SLC25A19: variants seen among roughly 807,000 people sequenced by gnomAD.
SLC25A19 encodes solute carrier family 25 member 19, also known as mitochondrial thiamine pyrophosphate carrier.
SLC25A19 carries 18 observed loss-of-function variants against 27.9 expected under a neutral mutation model. The observed-to-expected ratio is 0.64, with a 90% CI of 0.45 to 0.96. SLC25A19 has a LOEUF of 0.96. Among genes scored for constraint, SLC25A19 ranks in the 40% least tolerant of loss-of-function variants. The pLI is 0.00. For synonymous variants in SLC25A19, 169 were observed against 167.1 expected (o/e 1.01, Z -0.09); for missense variants, 371 against 418.3 (o/e 0.89, Z 0.99).
intron 7 of SLC25A19, among the ~76,000 whole-genome samples, chr17:75,275,129 C>T (rs1217709337): frequency 1.3e-5 from 2 of 151,582 alleles, no homozygotes; most frequent in Admixed American, 1.3e-4. Flanking sequence ...GCTGGAACTA[C>T]AGGCACACAC....
intron 2 of SLC25A19, chr17:75,287,298 G>A (rs2078206368): frequency 6.3e-6 from 1 of 157,764 alleles, no homozygotes; most frequent in African/African-American, 2.7e-5. Context: ...GTAGAGATAA[G>A]GTCTCAATGT....
chr17:75,277,245 C>A, intron 7 of SLC25A19, 108 bp downstream of exon 7: 1 of 1,441,872 alleles, frequency 6.9e-7, no homozygotes. Flanking sequence ...GTGAAGGGGC[C>A]ATGGCCAGGG....
chr17:75,279,573 A>G (rs1194529545), intron 5 of SLC25A19, among the ~76,000 whole-genome samples: 1 of 148,348 alleles, frequency 6.7e-6, no homozygotes, highest in Non-Finnish European at 1.5e-5. Flanking sequence ...CCTAGGCACA[A>G]TCTTGGCTCA....
In SLC25A19 at chr17:75,280,963, A is replaced by C. The variant is rs540330182; in HGVS notation, c.459+2460T>G. Among the ~76,000 whole-genome samples the C allele has an allele frequency of 3.3e-5, 5 of 151,546 alleles. No homozygotes were observed. The South Asian group carries it at 8.4e-4, about 25-fold the overall frequency. On this transcript the variant is annotated intron_variant, in intron 5 of 7. Coordinates refer to ENST00000416858, the MANE Select transcript of SLC25A19 (RefSeq NM_001126121.2). The stretch of plus-strand genomic sequence containing the variant: ...CAAACAACAACCAAAAAAAAAAAAA[A>C]AAACCAGGAGTTCAAGACCAGCCTG...
Position 75,274,957 on chromosome 17 carries a change from T to A in SLC25A19, c.775-1318A>T, listed in dbSNP as rs74442195. ...ATGTGGTTATCTGTGGTAGTGAAAT[T>A]ACAAGGGATTTTGGTCTTTTTTTTT... On this transcript the variant is annotated intron_variant, in intron 7 of 7. Coordinates refer to ENST00000416858, the MANE Select transcript of SLC25A19 (RefSeq NM_001126121.2). 2.9e-3 allele frequency among the ~76,000 whole-genome samples: 428 copies of A among 145,390 alleles called. 4 individuals carry two copies. In the East Asian group the frequency reaches 0.031, roughly 10 times the overall value.
chr17:75,273,374 G>T lies in SLC25A19; in HGVS notation c.*77C>A. 1 of 1,506,852 alleles carries T rather than the reference G, an allele frequency of 6.6e-7. No homozygotes were observed. Among genetic ancestry groups the T allele is most frequent in the East Asian group, 2.4e-5 (1 of 41,496 alleles). 93.3% of individuals were successfully genotyped at this position (1,506,852 alleles called of 1,614,324 possible). On this transcript the variant is annotated 3_prime_UTR_variant, in exon 8 of 8. Coordinates refer to ENST00000416858, the MANE Select transcript of SLC25A19 (RefSeq NM_001126121.2). The stretch of plus-strand genomic sequence containing the variant: ...GCTGGCCTGCAGGGAAGGGCCAGAC[G>T]GCACCTCTCAGTGGAGACTGAATCT...
At chr17:75,282,036 G>A (rs1011239683) in intron 5 of SLC25A19, among the ~76,000 whole-genome samples, 4 of 152,142 alleles carry the variant, frequency 2.6e-5, no homozygotes, top group African/African-American at 9.7e-5. Context: ...TTGGGAGGCC[G>A]AGGCGGGCAG....
At position 75,273,365 on chromosome 17, in the gene SLC25A19, G is replaced by C; in HGVS notation, c.*86C>G. ...CTTGGGGCAGCTGGCCTGCAGGGAA[G>C]GGCCAGACGGCACCTCTCAGTGGAG... On this transcript the variant is annotated 3_prime_UTR_variant, in exon 8 of 8. Transcript: ENST00000416858. 1.4e-6 allele frequency: 2 copies of C among 1,465,272 alleles called. No individual in the cohort carries two copies. Among genetic ancestry groups the C allele is most frequent in the Non-Finnish European group, 1.9e-6 (2 of 1,077,562 alleles). The allele number at this position is 1,465,272 out of a possible 1,614,324, so 90.8% of individuals were successfully genotyped here.
intron 5 of SLC25A19, 25 bp from the exon 6 acceptor site, chr17:75,278,360 T>G (rs751690082): frequency 6.2e-7 from 1 of 1,613,686 alleles, no homozygotes; most frequent in Non-Finnish European, 8.5e-7. Context: ...GCACTTTGAA[T>G]GAGCTCAGTG....
chr17:75,273,081 T>C lies in SLC25A19; in HGVS notation c.*370A>G. 2.8e-6 allele frequency: 1 copy of C among 353,982 alleles called. No homozygotes were observed. Among genetic ancestry groups the C allele is most frequent in the South Asian group, 2.5e-5 (1 of 40,190 alleles). The allele number at this position is 353,982 out of a possible 1,614,324, so 21.9% of individuals were successfully genotyped here. Reference sequence around the variant, plus strand: ...TCCTGCAAAGGGCCTACCGCAGCCCTCTGCACTCAAGCAGCAGCCCCATCC... The same window carrying C: ...TCCTGCAAAGGGCCTACCGCAGCCCCCTGCACTCAAGCAGCAGCCCCATCC... On this transcript the variant is annotated 3_prime_UTR_variant, in exon 8 of 8. Transcript: ENST00000416858.
chr17:75,283,402 G>A, intron 5 of SLC25A19, 21 bp downstream of exon 5: 2 of 1,610,744 alleles, frequency 1.2e-6, no homozygotes, highest in South Asian at 2.2e-5. Flanking sequence ...GGCTTCCCCG[G>A]TCTGGCTCCT....
intron 5 of SLC25A19, among the ~76,000 whole-genome samples, chr17:75,281,553 C>T (rs563233650): frequency 3.3e-5 from 5 of 152,194 alleles, no homozygotes; most frequent in African/African-American, 4.8e-5. Flanking sequence ...AAAAATTAGC[C>T]GGACATGGCA....
rs1467290223 is a variant in SLC25A19, at chr17:75,274,786, GAAAGA to G, written c.775-1152_775-1148del. Among the ~76,000 whole-genome samples the G allele has an allele frequency of 5.9e-5, 9 of 151,910 alleles. No homozygotes were observed. The South Asian group carries it at 8.3e-4, about 14-fold the overall frequency. On this transcript the variant is annotated intron_variant, in intron 7 of 7. Coordinates refer to ENST00000416858, the MANE Select transcript of SLC25A19 (RefSeq NM_001126121.2). ...GCGATATCCCATTTAAAAAAAGAAA[GAAAGA>G]AAAGAAAACAAACTCTCCCTTCAGG...
chr17:75,273,723 G>T, intron 7 of SLC25A19, 84 bp from the exon 8 acceptor site: 2 of 1,289,972 alleles, frequency 1.6e-6, no homozygotes, highest in Non-Finnish European at 2.2e-6. Context: ...ATCTTAAGAA[G>T]TACTTGCTGG....
rs543517521 is a variant in SLC25A19 at position 75,275,970 on chromosome 17, C to CA, written c.774+1382dup. ...TGGGCAAAAGAGCGAGACTCCGTCT[C>CA]AAAAAATATATATATATATATGGCT... On this transcript the variant is annotated intron_variant, in intron 7 of 7. Transcript: ENST00000416858. 7.6e-3 allele frequency among the ~76,000 whole-genome samples: 1,120 copies of CA among 147,298 alleles called. 14 individuals carry two copies. The highest frequency in any genetic ancestry group is 0.023 in the South Asian group (108 of 4,624).
chr17:75,273,473 T>C lies in SLC25A19; in HGVS notation c.941A>G (p.Asn314Ser), dbSNP rs769553823. ...EFFCNVFHCMNRTASQR is the reference protein window; with the variant it reads ...EFFCNVFHCMSRTASQR ...CACTCAGCGCTGGCTGGCTGTCCTG[T>C]TCATGCAGTGGAAGACATTACAGAA... Residue 314 changes from asparagine (N) to serine (S), a missense_variant, in exon 8 of 8, where the codon AAC becomes AGC. Physicochemically the swap from Asn to Ser is conservative, Grantham distance 46. Coordinates refer to ENST00000416858, the MANE Select transcript of SLC25A19 (RefSeq NM_001126121.2). The C allele has an allele frequency of 1.2e-6, 2 of 1,614,098 alleles. No individual in the cohort carries two copies. Among genetic ancestry groups the C allele is most frequent in the Non-Finnish European group, 1.7e-6 (2 of 1,180,034 alleles).
chr17:75,286,666 G>A lies in SLC25A19; in HGVS notation c.99C>T (p.Ile33=). Reference sequence around the variant, plus strand: ...GGATCTTGATGACGTCGAAGGGACTGATCAGCGCCCGAGTAACAAGTCCAG... The same window carrying A: ...GGATCTTGATGACGTCGAAGGGACTAATCAGCGCCCGAGTAACAAGTCCAG... ...SVSGLVTRAL[I]SPFDVIKIRF... Residue 33 remains isoleucine, a synonymous_variant, in exon 3 of 8, where the codon ATC becomes ATT. Transcript: ENST00000416858. 1.2e-6 allele frequency: 2 copies of A among 1,614,164 alleles called. No homozygotes were observed. The highest frequency in any genetic ancestry group is 1.7e-6 in the Non-Finnish European group (2 of 1,180,038).
At chr17:75,274,901 G>A (rs2077829934) in intron 7 of SLC25A19, among the ~76,000 whole-genome samples, 1 of 146,016 alleles carries the variant, frequency 6.8e-6, no homozygotes, top group Non-Finnish European at 1.5e-5. Flanking sequence ...GTGTATTTAT[G>A]AAAAGAAATA....
At chr17:75,279,908 C>G (rs984973681) in intron 5 of SLC25A19, among the ~76,000 whole-genome samples, 2 of 152,150 alleles carry the variant, frequency 1.3e-5, no homozygotes, top group Non-Finnish European at 2.9e-5. Flanking sequence ...GCAATCCTCT[C>G]AACTCAATCT....
Sources: allele counts gnomAD v4.1 joint callset (sites outside exome capture counted in the v4.1 genomes callset), GRCh38; gene constraint gnomAD v4.1.1; transcripts MANE v1.5; gene names NCBI Gene and HGNC (gene_info 2026-07-23, HGNC 2026-07-21).